The following DZIP1 variants were observed in gnomAD, a reference collection of about 807,000 sequenced individuals.
DZIP1 encodes the protein DAZ interacting zinc finger protein 1.
Under a neutral mutation model 107.6 loss-of-function variants are expected in DZIP1, and 97 were observed. That is an observed-to-expected ratio of 0.90 (90% confidence interval 0.77 to 1.07). The LOEUF (loss-of-function observed/expected upper bound fraction) is 1.07. Among genes scored for constraint, DZIP1 ranks in the 50% least tolerant of loss-of-function variants. The pLI is 0.00. For synonymous variants in DZIP1, 390 were observed against 386.4 expected (o/e 1.01, Z -0.11); for missense variants, 1,035 against 1,063.6 (o/e 0.97, Z 0.37).
chr13:95,617,469 C>T (rs1370263450), intron 10 of DZIP1, among the ~76,000 whole-genome samples: 2 of 152,056 alleles, frequency 1.3e-5, no homozygotes, highest in Admixed American at 6.5e-5. Flanking sequence ...ATCCCACGGA[C>T]ATTGAGAAGA....
intron 5 of DZIP1, among the ~76,000 whole-genome samples, chr13:95,633,920 A>G (rs1003244173): frequency 2.6e-5 from 4 of 152,198 alleles, no homozygotes; most frequent in African/African-American, 9.6e-5. Flanking sequence ...GCCCATCTCT[A>G]CAAAAAGTAA....
chr13:95,595,309 A>G (rs2044416557), intron 15 of DZIP1, among the ~76,000 whole-genome samples: 1 of 152,234 alleles, frequency 6.6e-6, no homozygotes, highest in Non-Finnish European at 1.5e-5. Context: ...AAATATTTCT[A>G]TTAAATAAAT....
At position 95,622,982 on chromosome 13, in the gene DZIP1, C is replaced by A. The variant is rs376558208; in HGVS notation, c.973-502G>T. On this transcript the variant is annotated intron_variant, in intron 8 of 22. Coordinates refer to ENST00000376829, the MANE Select transcript of DZIP1 (RefSeq NM_198968.4). ...CTGGTCTCAAACTCCTGGGCTCACA[C>A]AACAATCTGCCTACCTCAGCCTCCC... Among the ~76,000 whole-genome samples, 8 of 152,084 alleles carry A rather than the reference C, an allele frequency of 5.3e-5. No individual in the cohort carries two copies. The South Asian group carries it at 1.5e-3, about 28-fold the overall frequency.
Position 95,590,261 on chromosome 13 carries a change from A to G in DZIP1, c.1843+18T>C. ...GTTGTTAAATTAAGCTCCCATTTGCAGTGGGTAACAAGCTTACCTGAAGAG... is the reference window on the plus strand; with the variant it reads ...GTTGTTAAATTAAGCTCCCATTTGCGGTGGGTAACAAGCTTACCTGAAGAG... On this transcript the variant is annotated intron_variant, in intron 17 of 22. Coordinates refer to ENST00000376829, the MANE Select transcript of DZIP1 (RefSeq NM_198968.4). 6.4e-7 allele frequency: 1 copy of G among 1,567,222 alleles called. No homozygotes were observed. Among genetic ancestry groups the G allele is most frequent in the Non-Finnish European group, 8.6e-7 (1 of 1,161,424 alleles).
At chr13:95,603,702 G>GA (rs2044689020) in intron 14 of DZIP1, among the ~76,000 whole-genome samples, 2 of 152,032 alleles carry the variant, frequency 1.3e-5, no homozygotes, top group East Asian at 3.9e-4. Flanking sequence ...GGTTTGTCCA[G>GA]AAAAAAAATG....
At chr13:95,616,967 G>GGAGGC (rs1345186884) in intron 10 of DZIP1, among the ~76,000 whole-genome samples, 1 of 152,100 alleles carries the variant, frequency 6.6e-6, no homozygotes, top group Non-Finnish European at 1.5e-5. Flanking sequence ...TTGCACTTTG[G>GGAGGC]GAGGCCGAGG....
At chr13:95,633,126 C>G (rs546985050) in intron 6 of DZIP1, 108 bp downstream of exon 6, 6 of 1,014,368 alleles carry the variant, frequency 5.9e-6, no homozygotes, top group Non-Finnish European at 8.9e-6. Context: ...TGACAGGGAC[C>G]GTGATGCTTC....
chr13:95,586,064 A>G lies in DZIP1; in HGVS notation c.2291T>C (p.Val764Ala), dbSNP rs1349207622. The G allele has an allele frequency of 6.2e-7, 1 of 1,610,870 alleles. No homozygotes were observed. The highest frequency in any genetic ancestry group is 1.7e-5 in the Admixed American group (1 of 59,364). ...FPHRKNVNKP[V>A]GGTNVPEMFI... ...CATCTCAGGGACATTAGTTCCACCG[A>G]CTGGTTTGTTCACATTTTTGCGATG... The change falls in exon 21 of 23, where the codon GTC becomes GCC. Residue 764 changes from valine to alanine, a missense_variant. By Grantham distance (64) the Val-to-Ala change is moderately conservative. Transcript: ENST00000376829.
At chr13:95,642,428 C>T (rs909978953) in intron 3 of DZIP1, among the ~76,000 whole-genome samples, 187 bp from the exon 4 acceptor site, 1 of 152,200 alleles carries the variant, frequency 6.6e-6, no homozygotes, top group Non-Finnish European at 1.5e-5. Context: ...TAACTGCCAT[C>T]CCCTGGTTAT....
At chr13:95,600,301 C>A (rs1447129418) in intron 14 of DZIP1, among the ~76,000 whole-genome samples, 1 of 152,110 alleles carries the variant, frequency 6.6e-6, no homozygotes, top group African/African-American at 2.4e-5. Context: ...ATCTTGGAGA[C>A]TGATACAGTG....
At chr13:95,628,192 G>C (rs1307355202) in intron 7 of DZIP1, among the ~76,000 whole-genome samples, 1 of 151,964 alleles carries the variant, frequency 6.6e-6, no homozygotes, top group Non-Finnish European at 1.5e-5. Context: ...ACAAGCGCAT[G>C]CCACCACACT....
Position 95,581,131 on chromosome 13 carries a change from CT to C in DZIP1, c.*1102del, listed in dbSNP as rs1319747118. 2.0e-5 allele frequency: 3 copies of C among 152,470 alleles called. No homozygotes were observed. Among genetic ancestry groups the C allele is most frequent in the Non-Finnish European group, 4.4e-5 (3 of 68,028 alleles). 9.4% of individuals were successfully genotyped at this position (152,470 alleles called of 1,614,324 possible). A position where few individuals can be genotyped will look rare whatever the true frequency, so the allele number is the denominator to read the frequency against. On this transcript the variant is annotated 3_prime_UTR_variant, in exon 23 of 23. Transcript: ENST00000376829. ...ACAGTCACAGTGATGTAACAGAGGG[CT>C]TTACTGAAAAGGTTGACAAATGAAA...
chr13:95,628,672 A>G (rs554311143), intron 7 of DZIP1, among the ~76,000 whole-genome samples: 1 of 152,368 alleles, frequency 6.6e-6, no homozygotes, highest in African/African-American at 2.4e-5. Context: ...TGGTATACAT[A>G]CATATACCAT....
chr13:95,582,326 G>A lies in DZIP1; in HGVS notation c.2525-13C>T. 2.5e-6 allele frequency: 4 copies of A among 1,612,596 alleles called. No individual in the cohort carries two copies. Among genetic ancestry groups the A allele is most frequent in the Non-Finnish European group, 2.5e-6 (3 of 1,178,666 alleles). On this transcript the variant is annotated splice_polypyrimidine_tract_variant and intron_variant, in intron 22 of 22. Transcript: ENST00000376829. ...TTTTCTTGAAGTCCTGTAAGTGGTG[G>A]GTAGAGGCAGAAGAGAAGGCCTCAA...
chr13:95,642,302 A>G (rs1272586965), intron 3 of DZIP1, 61 bp from the exon 4 acceptor site: 2 of 401,142 alleles, frequency 5.0e-6, no homozygotes, highest in Non-Finnish European at 8.7e-6. Flanking sequence ...TCACCCGAAG[A>G]GGGTACCTCC....
chr13:95,638,662 C>CACAT, intron 5 of DZIP1, among the ~76,000 whole-genome samples: 1 of 151,590 alleles, frequency 6.6e-6, no homozygotes, highest in South Asian at 2.1e-4. Flanking sequence ...CACACACACA[C>CACAT]GCACACCCCA....
chr13:95,634,430 TTAGAATA>T (rs60128784), intron 5 of DZIP1, among the ~76,000 whole-genome samples: 118,668 of 151,540 alleles, frequency 0.78, 48,269 homozygotes, highest in Non-Finnish European at 0.9. Flanking sequence ...CCTCCAGGTT[TTAGAATA>T]TAGATTTCTG....
chr13:95,606,206 CAACT>C (rs1261381709), intron 13 of DZIP1, 147 bp from the exon 14 acceptor site: 8 of 643,022 alleles, frequency 1.2e-5, no homozygotes, highest in East Asian at 1.1e-4. Context: ...AGATATTACA[CAACT>C]AACATAAACT....
Position 95,597,656 on chromosome 13 carries a change from A to G in DZIP1, c.1537+1709T>C, listed in dbSNP as rs1036836350. On this transcript the variant is annotated intron_variant, in intron 15 of 22. Coordinates refer to ENST00000376829, the MANE Select transcript of DZIP1 (RefSeq NM_198968.4). The stretch of plus-strand genomic sequence containing the variant: ...TTATGGCAAACCGGAGGTTGCTTCC[A>G]TAGCCAGTGATGGCGGCTCAGCCCT... Among the ~76,000 whole-genome samples the G allele has an allele frequency of 2.7e-4, 41 of 152,198 alleles. 1 individual carries two copies. The highest frequency in any genetic ancestry group is 1.4e-3 in the Admixed American group (21 of 15,270).
Sources: allele counts gnomAD v4.1 joint callset (sites outside exome capture counted in the v4.1 genomes callset), GRCh38; gene constraint gnomAD v4.1.1; transcripts MANE v1.5; gene names NCBI Gene and HGNC (gene_info 2026-07-23, HGNC 2026-07-21).